The following ARHGAP6 variants were observed in gnomAD, a reference collection of about 807,000 sequenced individuals.
ARHGAP6 encodes Rho GTPase activating protein 6.
A neutral mutation model predicts 55.7 loss-of-function variants in ARHGAP6; 16 were observed. The ratio of observed to expected loss-of-function variants is 0.29; its 90% CI spans 0.19 to 0.44. The LOEUF (loss-of-function observed/expected upper bound fraction) is 0.44. Among genes scored for constraint, ARHGAP6 ranks in the 20% least tolerant of loss-of-function variants. ARHGAP6 has a pLI of 1.00. For missense variants in ARHGAP6, 698 were observed against 808.9 expected, an observed-to-expected ratio of 0.86 and a Z score of 1.66; for synonymous variants, 382 against 360.9, an observed-to-expected ratio of 1.06 and a Z score of -0.66.
intron 2 of ARHGAP6, among the ~76,000 whole-genome samples, chrX:11,236,900 A>G (rs1383615551): frequency 8.9e-6 from 1 of 112,361 alleles, no homozygotes; most frequent in African/African-American, 3.2e-5. Flanking sequence ...GTCCTTCTTT[A>G]AGGTCACTTT....
At chrX:11,394,397 T>G (rs1389669907) in intron 1 of ARHGAP6, among the ~76,000 whole-genome samples, 1 of 111,626 alleles carries the variant, frequency 9.0e-6, no homozygotes, top group Non-Finnish European at 1.9e-5. Flanking sequence ...AGGGAATGAC[T>G]GCAAATGGGG....
chrX:11,365,206 A>G (rs2049060110), intron 1 of ARHGAP6, among the ~76,000 whole-genome samples: 1 of 112,317 alleles, frequency 8.9e-6, no homozygotes, highest in African/African-American at 3.2e-5. Flanking sequence ...AGCAAAGCCA[A>G]CAATACACAG....
At chrX:11,500,831 CTT>C (rs1385788672) in intron 1 of ARHGAP6, among the ~76,000 whole-genome samples, 2 of 110,575 alleles carry the variant, frequency 1.8e-5, no homozygotes, top group Admixed American at 9.7e-5. Context: ...ACAACTCTCT[CTT>C]GTAAGCTCTA....
chrX:11,417,330 G>A (rs2049765574), intron 1 of ARHGAP6, among the ~76,000 whole-genome samples: 1 of 107,476 alleles, frequency 9.3e-6, no homozygotes, highest in Non-Finnish European at 1.9e-5. Context: ...CAGGATGAGG[G>A]CAGGAGTAGG....
At chrX:11,261,628 C>T (rs192107282) in intron 1 of ARHGAP6, among the ~76,000 whole-genome samples, 2 of 111,501 alleles carry the variant, frequency 1.8e-5, no homozygotes, top group East Asian at 2.8e-4. Context: ...GAAATTCATC[C>T]AATGTCTCTG....
At chrX:11,437,914 A>G (rs1569344131) in intron 1 of ARHGAP6, among the ~76,000 whole-genome samples, 1 of 112,237 alleles carries the variant, frequency 8.9e-6, no homozygotes, top group Admixed American at 9.4e-5. Flanking sequence ...CGGGCAGAGC[A>G]CAGACAGAGT....
chrX:11,660,878 C>G (rs1252614659), intron 1 of ARHGAP6, among the ~76,000 whole-genome samples: 2 of 110,729 alleles, frequency 1.8e-5, no homozygotes, highest in Non-Finnish European at 3.8e-5. Context: ...TTTCAAGGCC[C>G]CCCAAAGCAC....
intron 1 of ARHGAP6, among the ~76,000 whole-genome samples, chrX:11,473,621 G>C (rs1444614858): frequency 9.0e-6 from 1 of 111,419 alleles, no homozygotes; most frequent in Non-Finnish European, 1.9e-5. Context: ...GGCAAGGAAG[G>C]AATCTCCCCT....
intron 1 of ARHGAP6, among the ~76,000 whole-genome samples, chrX:11,280,714 C>A (rs953252467): frequency 2.0e-5 from 2 of 101,750 alleles, no homozygotes; most frequent in Admixed American, 1.1e-4. Context: ...CCACTGCACT[C>A]CAGCCTGGGC....
chrX:11,369,331 A>G (rs1207512724), intron 1 of ARHGAP6, among the ~76,000 whole-genome samples: 2 of 111,280 alleles, frequency 1.8e-5, no homozygotes, highest in Non-Finnish European at 3.8e-5. Flanking sequence ...GGCTTCTGTG[A>G]AAATGTAGAT....
At position 11,144,252 on chromosome X, in the gene ARHGAP6, G is replaced by A. The variant is rs747627325; in HGVS notation, c.1908-4C>T. 10 of 1,210,799 alleles carry A rather than the reference G, an allele frequency of 8.3e-6. No homozygotes were observed. Among genetic ancestry groups the A allele is most frequent in the South Asian group, 1.8e-5 (1 of 56,962 alleles). On this transcript the variant is annotated splice_polypyrimidine_tract_variant and splice_region_variant and intron_variant, in intron 10 of 12. Coordinates refer to ENST00000337414, the MANE Select transcript of ARHGAP6 (RefSeq NM_013427.3). ...CGACTGCAGCATGTCAGGGCTTCTG[G>A]CACAATGAGACAATTACAGGTGCGT... is the stretch of plus-strand genomic sequence containing the variant.
intron 1 of ARHGAP6, among the ~76,000 whole-genome samples, chrX:11,363,267 A>AT (rs1457018661): frequency 8.9e-6 from 1 of 111,771 alleles, no homozygotes; most frequent in African/African-American, 3.3e-5. Context: ...AGTGCAGACT[A>AT]TTTTTTAAAT....
At chrX:11,522,969 G>C (rs754202599) in intron 1 of ARHGAP6, among the ~76,000 whole-genome samples, 20 of 111,519 alleles carry the variant, frequency 1.8e-4, no homozygotes, top group African/African-American at 6.2e-4. Flanking sequence ...GATGAACATC[G>C]ATGCAAAAAT....
intron 1 of ARHGAP6, among the ~76,000 whole-genome samples, chrX:11,313,132 G>C (rs2048319522): frequency 8.9e-6 from 1 of 112,552 alleles, no homozygotes; most frequent in South Asian, 3.6e-4. Flanking sequence ...AGAGAGGTTA[G>C]AACATGCTCA....
chrX:11,412,619 G>T (rs2049699807), intron 1 of ARHGAP6, among the ~76,000 whole-genome samples: 1 of 111,943 alleles, frequency 8.9e-6, no homozygotes. Flanking sequence ...TCATTTTAAG[G>T]AATAATCATT....
Position 11,138,996 on chromosome X carries a change from G to A in ARHGAP6, c.2792C>T (p.Ser931Phe), listed in dbSNP as rs1364857371. Residue 931 changes from serine to phenylalanine, a missense_variant, in exon 13 of 13, where the codon TCC becomes TTC. Transcript: ENST00000337414. ...ACTGTCCTGCTCGCCCGCTGGCAGG[G>A]AGTTGGCGCTGCTCAGTTTTTTCTG... ...VTQKKLSSAN[S>F]LPAGEQDSPR... The A allele has an allele frequency of 8.3e-7, 1 of 1,206,400 alleles. No individual in the cohort carries two copies. The highest frequency in any genetic ancestry group is 1.7e-5 in the African/African-American group (1 of 57,383).
chrX:11,248,564 T>C (rs1443242229), intron 2 of ARHGAP6, among the ~76,000 whole-genome samples: 1 of 110,945 alleles, frequency 9.0e-6, no homozygotes, highest in Non-Finnish European at 1.9e-5. Context: ...CTCAAACACA[T>C]TAGCAAGAAA....
intron 2 of ARHGAP6, among the ~76,000 whole-genome samples, chrX:11,205,211 A>G (rs950813242): frequency 9.0e-6 from 1 of 111,007 alleles, no homozygotes; most frequent in Non-Finnish European, 1.9e-5. Flanking sequence ...AAAATCTTTC[A>G]GTTACTCTCC....
chrX:11,631,538 A>G (rs1258813746), intron 1 of ARHGAP6, among the ~76,000 whole-genome samples: 1 of 110,636 alleles, frequency 9.0e-6, no homozygotes, highest in Non-Finnish European at 1.9e-5. Context: ...AAAAAAAAAA[A>G]GTAAAATGGA....
Sources: allele counts gnomAD v4.1 joint callset (sites outside exome capture counted in the v4.1 genomes callset), GRCh38; gene constraint gnomAD v4.1.1; transcripts MANE v1.5; gene names NCBI Gene and HGNC (gene_info 2026-07-23, HGNC 2026-07-21).